The following TNRC6B variants were observed in gnomAD, a reference collection of about 807,000 sequenced individuals.
TNRC6B encodes trinucleotide repeat containing adaptor 6B.
Under a neutral mutation model 203.6 loss-of-function variants are expected in TNRC6B, and 52 were observed. That is an observed-to-expected ratio of 0.26 (90% confidence interval 0.20 to 0.32). TNRC6B has a LOEUF of 0.32. TNRC6B is among the 10% of genes least tolerant of loss of function. The probability of loss-of-function intolerance (pLI) is 1.00; values close to 1 mark genes in which losing one functional copy is unlikely to be tolerated. For missense variants in TNRC6B, 1,923 were observed against 2,286.2 expected (o/e 0.84, Z 3.24); for synonymous variants, 838 against 845.7 (o/e 0.99, Z 0.16).
chr22:40,327,656 C>T lies in TNRC6B; in HGVS notation c.*4415C>T, dbSNP rs1460310973. 1.3e-5 allele frequency: 2 copies of T among 152,106 alleles called. No homozygotes were observed. The highest frequency in any genetic ancestry group is 2.9e-5 in the Non-Finnish European group (2 of 68,034). The allele number at this position is 152,106 out of a possible 1,614,324, so 9.4% of individuals were successfully genotyped here. A position where few individuals can be genotyped will look rare whatever the true frequency, so the allele number is the denominator to read the frequency against. On this transcript the variant is annotated 3_prime_UTR_variant, in exon 23 of 23. Coordinates refer to ENST00000454349, the MANE Select transcript of TNRC6B (RefSeq NM_001162501.2). ...GTGAGGATGTCATGGAAGAGAAGAG[C>T]TCTTTCCGTGGTATTCTTTGGCAAG...
intron 1 of TNRC6B, among the ~76,000 whole-genome samples, chr22:40,236,630 A>C (rs1197976745): frequency 6.6e-6 from 1 of 152,230 alleles, no homozygotes; most frequent in Non-Finnish European, 1.5e-5. Flanking sequence ...CCAGTCATCC[A>C]GACCTTAATG....
rs1157134166 is a variant in TNRC6B, at chr22:40,194,526, G to A, written c.5+16386G>A. Among the ~76,000 whole-genome samples the A allele has an allele frequency of 2.0e-5, 3 of 152,328 alleles. No individual in the cohort carries two copies. The East Asian group carries it at 5.8e-4, about 29-fold the overall frequency. On this transcript the variant is annotated intron_variant, in intron 1 of 22. Coordinates refer to ENST00000454349, the MANE Select transcript of TNRC6B (RefSeq NM_001162501.2). ...TTCCAGAAGAAATATTTGGCGTGGT[G>A]TGGAAGGGGGCTGTGAACTGTCTCC...
chr22:40,085,811 C>T (rs377754654), intron 1 of TNRC6B, among the ~76,000 whole-genome samples: 52 of 151,910 alleles, frequency 3.4e-4, no homozygotes, highest in African/African-American at 1.2e-3. Flanking sequence ...AGTCATTTGT[C>T]TTTGTTTGTT....
intron 3 of TNRC6B, among the ~76,000 whole-genome samples, chr22:40,129,615 G>A (rs1157602164): frequency 6.6e-6 from 1 of 152,182 alleles, no homozygotes; most frequent in African/African-American, 2.4e-5. Flanking sequence ...GTTGACAAGT[G>A]AGAAAAGACA....
At chr22:40,259,153 C>A (rs920792939) in intron 3 of TNRC6B, among the ~76,000 whole-genome samples, 1 of 152,120 alleles carries the variant, frequency 6.6e-6, no homozygotes, top group Non-Finnish European at 1.5e-5. Flanking sequence ...ATTAAATAAT[C>A]TTCATTCATT....
At chr22:40,132,969 A>AAAAAAAT (rs1282694632) in intron 3 of TNRC6B, among the ~76,000 whole-genome samples, 6 of 78,190 alleles carry the variant, frequency 7.7e-5, no homozygotes, top group Admixed American at 7.6e-4. Flanking sequence ...AAAAAAAAAA[A>AAAAAAAT]ATATATATAT....
At position 40,129,248 on chromosome 22, in the gene TNRC6B, G is replaced by A. The variant is rs117473314; in HGVS notation, c.45+3386G>A. On this transcript the variant is annotated intron_variant, in intron 3 of 23. Transcript: ENST00000301923. ...GACCTCAGAGGCCACAGTGTGCAAC[G>A]TGGACCTATTCTCCATGCCTAGGGC... 4.1e-4 allele frequency among the ~76,000 whole-genome samples: 63 copies of A among 152,338 alleles called. No homozygotes were observed. The East Asian group carries it at 9.6e-3, about 23-fold the overall frequency.
intron 2 of TNRC6B, among the ~76,000 whole-genome samples, chr22:40,125,174 T>C (rs543360569): frequency 6.6e-6 from 1 of 152,372 alleles, no homozygotes; most frequent in Admixed American, 6.5e-5. Context: ...AATTACTTTT[T>C]ACTGTCTTGC....
chr22:40,110,491 TG>T (rs2068323124), intron 1 of TNRC6B, among the ~76,000 whole-genome samples: 1 of 152,244 alleles, frequency 6.6e-6, no homozygotes, highest in African/African-American at 2.4e-5. Context: ...GTAAGTGATT[TG>T]CAGTTGTTTT....
intron 1 of TNRC6B, among the ~76,000 whole-genome samples, chr22:40,186,948 G>A (rs1420905073): frequency 6.6e-6 from 1 of 151,714 alleles, no homozygotes; most frequent in Non-Finnish European, 1.5e-5. Context: ...AATTTTCATT[G>A]GAAATACTTG....
chr22:40,303,497 T>C (rs1004150080), intron 15 of TNRC6B, among the ~76,000 whole-genome samples: 3 of 152,260 alleles, frequency 2.0e-5, no homozygotes, highest in Non-Finnish European at 4.4e-5. Flanking sequence ...CTTATTAGCT[T>C]GTTTCTATAT....
intron 1 of TNRC6B, among the ~76,000 whole-genome samples, chr22:40,059,550 T>C (rs2067829987): frequency 6.6e-6 from 1 of 152,182 alleles, no homozygotes; most frequent in Admixed American, 6.5e-5. Flanking sequence ...AGAAAGTATT[T>C]AGTCTTGTAT....
chr22:40,283,546 A>C (rs1601488235), intron 11 of TNRC6B, among the ~76,000 whole-genome samples: 1 of 152,200 alleles, frequency 6.6e-6, no homozygotes, highest in Non-Finnish European at 1.5e-5. Flanking sequence ...TCACTGTGCA[A>C]AAATAGCTAT....
At chr22:40,120,711 C>T (rs954952396) in intron 2 of TNRC6B, among the ~76,000 whole-genome samples, 3 of 152,148 alleles carry the variant, frequency 2.0e-5, no homozygotes, top group South Asian at 2.1e-4. Context: ...TCTGAACCAA[C>T]AGAGACTTAG....
Position 40,323,157 on chromosome 22 carries a change from A to G in TNRC6B, c.5418A>G (p.Pro1806=), listed in dbSNP as rs762714974. 1 of 1,613,884 alleles carries G rather than the reference A, an allele frequency of 6.2e-7. No individual in the cohort carries two copies. Among genetic ancestry groups the G allele is most frequent in the Admixed American group, 1.7e-5 (1 of 60,012 alleles). ...PNYSSSLWGV[P]TVEDPHRMGS... ...ATTCTTCTAGCTTATGGGGAGTCCC[A>G]ACGGTGGAAGATCCCCATAGGATGG... is the stretch of plus-strand genomic sequence containing the variant. Residue 1806 remains proline (P), a synonymous_variant, in exon 23 of 23, where the codon CCA becomes CCG. Coordinates refer to ENST00000454349, the MANE Select transcript of TNRC6B (RefSeq NM_001162501.2).
chr22:40,048,000 T>C (rs773853001), intron 1 of TNRC6B, among the ~76,000 whole-genome samples: 12 of 152,236 alleles, frequency 7.9e-5, no homozygotes, highest in African/African-American at 2.9e-4. Context: ...GACTAGTTCA[T>C]GTGCAAAATG....
At chr22:40,138,407 AG>A (rs1256738178) in intron 3 of TNRC6B, among the ~76,000 whole-genome samples, 2 of 152,164 alleles carry the variant, frequency 1.3e-5, no homozygotes, top group Non-Finnish European at 2.9e-5. Flanking sequence ...CTGGGATTAC[AG>A]GCACACACCA....
At chr22:40,142,469 C>T (rs2068653013) in intron 3 of TNRC6B, among the ~76,000 whole-genome samples, 1 of 152,104 alleles carries the variant, frequency 6.6e-6, no homozygotes, top group Non-Finnish European at 1.5e-5. Flanking sequence ...AGTGAAATAG[C>T]ATTTCACATC....
At position 40,266,062 on chromosome 22, in the gene TNRC6B, C is replaced by G; in HGVS notation, c.1832C>G (p.Thr611Ser). ...QAVLQTLLSR[T>S]DLDPRVLSNT... ...GTCTTGCAGACTCTTTTGAGCCGAA[C>G]TGATTTGGACCCCAGGGTGCTCTCA... The change falls in exon 5 of 23, where the codon ACT becomes AGT. Residue 611 changes from threonine to serine, a missense_variant. Thr to Ser is a moderately conservative substitution (Grantham distance 58, BLOSUM62 1). Coordinates refer to ENST00000454349, the MANE Select transcript of TNRC6B (RefSeq NM_001162501.2). 6.2e-7 allele frequency: 1 copy of G among 1,613,718 alleles called. No homozygotes were observed. Among genetic ancestry groups the G allele is most frequent in the South Asian group, 1.1e-5 (1 of 91,084 alleles).
Sources: allele counts gnomAD v4.1 joint callset (sites outside exome capture counted in the v4.1 genomes callset), GRCh38; gene constraint gnomAD v4.1.1; transcripts MANE v1.5; gene names NCBI Gene and HGNC (gene_info 2026-07-23, HGNC 2026-07-21).